The following KLHL30 variants were observed in gnomAD, a reference collection of about 807,000 sequenced individuals.
KLHL30 encodes the protein kelch-like protein 30.
In KLHL30, 55 loss-of-function variants were observed where a neutral mutation model predicts 55.0. The observed-to-expected ratio is 1.00, with a 90% CI of 0.80 to 1.25. KLHL30 has a LOEUF of 1.25. Ranked by LOEUF, KLHL30 falls within the 50% of genes most tolerant of loss-of-function variation. The probability of loss-of-function intolerance (pLI) is 0.00; values close to 1 mark genes in which losing one functional copy is unlikely to be tolerated. For synonymous variants in KLHL30, 356 were observed against 372.6 expected (o/e 0.96, Z 0.51); for missense variants, 786 against 811.6 (o/e 0.97, Z 0.38).
intron 4 of KLHL30, 58 bp from the exon 5 acceptor site, chr2:238,145,619 C>T (rs1692632972): frequency 6.5e-7 from 1 of 1,543,800 alleles, no homozygotes; most frequent in Non-Finnish European, 8.8e-7. Flanking sequence ...GTATCCACAC[C>T]CCATGGCCTG....
chr2:238,150,042 C>A (rs1481058875), intron 7 of KLHL30, among the ~76,000 whole-genome samples: 2 of 152,182 alleles, frequency 1.3e-5, no homozygotes, highest in Admixed American at 1.3e-4. Context: ...TGTCCCCTGG[C>A]GTCACTGCTC....
rs1209571348 is a variant in KLHL30, at chr2:238,151,194, CA to C, written c.*130del. 18 of 1,266,890 alleles carry C rather than the reference CA, an allele frequency of 1.4e-5. No homozygotes were observed. Among genetic ancestry groups the C allele is most frequent in the Non-Finnish European group, 1.9e-5 (18 of 928,722 alleles). The allele number at this position is 1,266,890 out of a possible 1,614,324, so 78.5% of individuals were successfully genotyped here. On this transcript the variant is annotated 3_prime_UTR_variant, in exon 8 of 8. Coordinates refer to ENST00000409223, the MANE Select transcript of KLHL30 (RefSeq NM_198582.4). ...TCCTTCCAAGCTGCGCTCAGGCCAC[CA>C]GGGGTGATCAGACGGCATGGCTTGG... is the stretch of plus-strand genomic sequence containing the variant.
At chr2:238,150,042 C>T (rs1481058875) in intron 7 of KLHL30, among the ~76,000 whole-genome samples, 2 of 152,182 alleles carry the variant, frequency 1.3e-5, no homozygotes, top group Non-Finnish European at 1.5e-5. Flanking sequence ...TGTCCCCTGG[C>T]GTCACTGCTC....
rs751007973 is a variant in KLHL30 at position 238,141,368 on chromosome 2, G to T, written c.614G>T (p.Arg205Leu). Reference protein sequence around the residue: ...SRLEALMRWVRHDPQARAAHL... With the variant: ...SRLEALMRWVLHDPQARAAHL... ...CTCGAGGCCCTGATGCGCTGGGTGCGCCATGACCCGCAGGCCCGGGCCGCC... is the reference window on the plus strand; with the variant it reads ...CTCGAGGCCCTGATGCGCTGGGTGCTCCATGACCCGCAGGCCCGGGCCGCC... The change falls in exon 2 of 8, where the codon CGC (arginine) becomes CTC (leucine). Residue 205 changes from arginine (R) to leucine (L), a missense_variant. Transcript: ENST00000409223. 1.3e-6 allele frequency: 2 copies of T among 1,596,910 alleles called. No individual in the cohort carries two copies. Among genetic ancestry groups the T allele is most frequent in the Non-Finnish European group, 1.7e-6 (2 of 1,176,238 alleles).
In KLHL30 at chr2:238,141,324, A is replaced by T. The variant is rs377763485; in HGVS notation, c.570A>T (p.Val190=). 2 of 1,597,850 alleles carry T rather than the reference A, an allele frequency of 1.3e-6. No individual in the cohort carries two copies. Among genetic ancestry groups the T allele is most frequent in the East Asian group, 4.5e-5 (2 of 44,670 alleles). The change falls in exon 2 of 8, where the codon GTA becomes GTT. Residue 190 remains valine (V), a synonymous_variant. Coordinates refer to ENST00000409223, the MANE Select transcript of KLHL30 (RefSeq NM_198582.4). ...VTCLAGDLLQ[V]QPEQSRLEAL... The stretch of plus-strand genomic sequence containing the variant: ...GTCTGGCCGGCGACCTGCTGCAGGT[A>T]CAGCCGGAGCAAAGCCGACTCGAGG...
chr2:238,140,166 C>T (rs1414749798), intron 1 of KLHL30, among the ~76,000 whole-genome samples: 1 of 152,228 alleles, frequency 6.6e-6, no homozygotes, highest in Non-Finnish European at 1.5e-5. Context: ...TGATTGCACC[C>T]ACCCTCCAGG....
rs1445693678 is a variant in KLHL30 at position 238,149,099 on chromosome 2, GA to G, written c.1433del (p.Asp478AlafsTer40). ...GCACGGGGAGCTCTACCTCATTGGG[GA>G]CAACACCAAGAAGGTCTACGTGTAC... ...ALHGELYLIG[D>X]NTKKVYVYDP... is the part of the protein sequence containing the mutation. On this transcript the variant is annotated frameshift_variant, in exon 7 of 8. Coordinates refer to ENST00000409223, the MANE Select transcript of KLHL30 (RefSeq NM_198582.4). LOFTEE classifies it high-confidence loss of function. The G allele has an allele frequency of 1.2e-6, 2 of 1,613,232 alleles. No individual in the cohort carries two copies. Among genetic ancestry groups the G allele is most frequent in the East Asian group, 4.5e-5 (2 of 44,878 alleles).
chr2:238,149,487 C>T (rs1305233897), intron 7 of KLHL30, among the ~76,000 whole-genome samples: 4 of 152,204 alleles, frequency 2.6e-5, no homozygotes, highest in African/African-American at 9.7e-5. Context: ...GACAATAGTG[C>T]CCTGGCCCGA....
rs576790487 is a variant in KLHL30 at position 238,151,084 on chromosome 2, G to C, written c.*19G>C. The C allele has an allele frequency of 1.3e-6, 2 of 1,569,692 alleles. No homozygotes were observed. Among genetic ancestry groups the C allele is most frequent in the South Asian group, 1.2e-5 (1 of 85,894 alleles). On this transcript the variant is annotated 3_prime_UTR_variant, in exon 8 of 8. Coordinates refer to ENST00000409223, the MANE Select transcript of KLHL30 (RefSeq NM_198582.4). ...GCACTAAACCAGGGCCAGGGTCCCC[G>C]GGGAGGAGTCCCCACAGCGGCCCCT...
chr2:238,140,385 A>G (rs1692509637), intron 1 of KLHL30, among the ~76,000 whole-genome samples: 2 of 152,194 alleles, frequency 1.3e-5, no homozygotes, highest in East Asian at 1.9e-4. Flanking sequence ...AGGGTTGCAG[A>G]TGACACCCAG....
rs922420251 is a variant in KLHL30, at chr2:238,151,957, C to G, written c.*892C>G. Reference sequence around the variant, plus strand: ...CATCCGATGGGCCCCTGCCAGCATGCAGCCCGACTCCGGCTGGCTCAGGCT... The same window carrying G: ...CATCCGATGGGCCCCTGCCAGCATGGAGCCCGACTCCGGCTGGCTCAGGCT... On this transcript the variant is annotated 3_prime_UTR_variant, in exon 8 of 8. Coordinates refer to ENST00000409223, the MANE Select transcript of KLHL30 (RefSeq NM_198582.4). 1.0e-6 allele frequency: 1 copy of G among 985,388 alleles called. No individual in the cohort carries two copies. Among genetic ancestry groups the G allele is most frequent in the African/African-American group, 1.7e-5 (1 of 57,240 alleles). 61.0% of individuals were successfully genotyped at this position (985,388 alleles called of 1,614,324 possible). A position where few individuals can be genotyped will look rare whatever the true frequency, so the allele number is the denominator to read the frequency against.
chr2:238,150,554 C>A (rs35985177), intron 7 of KLHL30, among the ~76,000 whole-genome samples: 43,350 of 152,078 alleles, frequency 0.29, 6,760 homozygotes, highest in South Asian at 0.37. Flanking sequence ...TCAGGGCCCC[C>A]TCTGACTGCA....
chr2:238,146,774 C>T (rs935874791), intron 5 of KLHL30, among the ~76,000 whole-genome samples: 2 of 151,636 alleles, frequency 1.3e-5, no homozygotes, highest in Non-Finnish European at 2.9e-5. Context: ...GTAATCTCAG[C>T]ACTTTGGGAG....
rs1692782739 is a variant in KLHL30 at position 238,152,857 on chromosome 2, G to T, written c.*1792G>T. The T allele has an allele frequency of 6.6e-6, 1 of 152,220 alleles. No homozygotes were observed. The highest frequency in any genetic ancestry group is 1.5e-5 in the Non-Finnish European group (1 of 68,044). The allele number at this position is 152,220 out of a possible 1,614,324, so 9.4% of individuals were successfully genotyped here. ...GTGATGGAAGGAGGTCAGCCAAAGG[G>T]CTGTTTAAAAACAAAGCCTCCATGT... is the stretch of plus-strand genomic sequence containing the variant. On this transcript the variant is annotated 3_prime_UTR_variant, in exon 8 of 8. Transcript: ENST00000409223.
chr2:238,149,060 C>G lies in KLHL30; in HGVS notation c.1393C>G (p.Arg465Gly). 1.2e-6 allele frequency: 2 copies of G among 1,613,264 alleles called. No individual in the cohort carries two copies. Among genetic ancestry groups the G allele is most frequent in the Middle Eastern group, 1.6e-4 (1 of 6,062 alleles). The change falls in exon 7 of 8, where the codon CGC becomes GGC. Residue 465 changes from arginine to glycine, a missense_variant. Coordinates refer to ENST00000409223, the MANE Select transcript of KLHL30 (RefSeq NM_198582.4). Reference sequence around the variant, plus strand: ...CCTGCCCAAGTACCTGTCCTCGCCTCGCTGTGCTGCACTGCACGGGGAGCT... The same window carrying G: ...CCTGCCCAAGTACCTGTCCTCGCCTGGCTGTGCTGCACTGCACGGGGAGCT... ...PFLPKYLSSP[R>G]CAALHGELYL... is the part of the protein sequence containing the mutation.
chr2:238,150,885 C>T lies in KLHL30; in HGVS notation c.1557C>T (p.Gly519=), dbSNP rs1193070255. The T allele has an allele frequency of 8.8e-6, 14 of 1,597,994 alleles. No individual in the cohort carries two copies. Among genetic ancestry groups the T allele is most frequent in the South Asian group, 1.1e-5 (1 of 88,134 alleles). ...VPLGDALYVT[G]GRWQGMEGDY... Reference sequence around the variant, plus strand: ...TGGGTGATGCGCTGTACGTGACGGGCGGCCGCTGGCAGGGCATGGAAGGTG... The same window carrying T: ...TGGGTGATGCGCTGTACGTGACGGGTGGCCGCTGGCAGGGCATGGAAGGTG... The change falls in exon 8 of 8, where the codon GGC becomes GGT. Residue 519 remains glycine, a synonymous_variant. Coordinates refer to ENST00000409223, the MANE Select transcript of KLHL30 (RefSeq NM_198582.4).
Position 238,145,735 on chromosome 2 carries a change from C to A in KLHL30, c.1053C>A (p.Pro351=), listed in dbSNP as rs778657945. The A allele has an allele frequency of 1.9e-6, 3 of 1,597,030 alleles. No homozygotes were observed. The African/African-American group carries it at 4.0e-5, about 21-fold the overall frequency. The change falls in exon 5 of 8, where the codon CCC becomes CCA. Residue 351 remains proline (P), a synonymous_variant. Coordinates refer to ENST00000409223, the MANE Select transcript of KLHL30 (RefSeq NM_198582.4). The part of the protein sequence containing the change: ...TWSTTQAWCF[P]LKEASWKPVA... ...CAACCACCCAGGCCTGGTGCTTCCC[C>A]CTGAAGGAGGCCTCCTGGAAGCCCG...
intron 3 of KLHL30, 133 bp downstream of exon 3, chr2:238,143,064 G>A (rs1053758367): frequency 4.8e-5 from 56 of 1,158,150 alleles, no homozygotes; most frequent in Non-Finnish European, 6.1e-5. Flanking sequence ...TGTGAGGGGC[G>A]TGCCTGGGTG....
chr2:238,150,699 T>G, intron 7 of KLHL30, 115 bp from the exon 8 acceptor site: 1 of 1,233,624 alleles, frequency 8.1e-7, no homozygotes, highest in Admixed American at 2.1e-5. Flanking sequence ...CTGGAGGGGA[T>G]CTGGGCCAGG....
Sources: allele counts gnomAD v4.1 joint callset (sites outside exome capture counted in the v4.1 genomes callset), GRCh38; gene constraint gnomAD v4.1.1; transcripts MANE v1.5; gene names NCBI Gene and HGNC (gene_info 2026-07-23, HGNC 2026-07-21).